The following SUCO variants were observed in gnomAD, a reference collection of about 807,000 sequenced individuals.
The protein encoded by SUCO is SUN domain containing ossification factor, also known as SUN domain-containing ossification factor.
Under a neutral mutation model 148.1 loss-of-function variants are expected in SUCO, and 57 were observed. The ratio of observed to expected loss-of-function variants is 0.38; its 90% CI spans 0.31 to 0.48. The LOEUF (loss-of-function observed/expected upper bound fraction) is 0.48. Among genes scored for constraint, SUCO ranks in the 20% least tolerant of loss-of-function variants. The pLI, the probability that SUCO is intolerant of heterozygous loss-of-function variation, is 0.96. For synonymous variants in SUCO, 470 were observed against 502.7 expected (o/e 0.93, Z 0.87); for missense variants, 1,331 against 1,468.2 (o/e 0.91, Z 1.53).
chr1:172,594,172 T>G (rs1373348464), intron 19 of SUCO, among the ~76,000 whole-genome samples: 1 of 152,118 alleles, frequency 6.6e-6, no homozygotes, highest in Non-Finnish European at 1.5e-5. Flanking sequence ...TCTTTTCTTC[T>G]TTATTAGTCT....
At position 172,589,710 on chromosome 1, in the gene SUCO, A is replaced by C. The variant is rs762982522; in HGVS notation, c.2609A>C (p.Gln870Pro). 6 of 1,613,644 alleles carry C rather than the reference A, an allele frequency of 3.7e-6. No homozygotes were observed. The highest frequency in any genetic ancestry group is 5.1e-6 in the Non-Finnish European group (6 of 1,179,690). ...TTACCTGAAGTAAAAGAAGAAGAAC[A>C]GTCTCCAGAAGATGCCCTTTTGAGA... ...SSLPEVKEEE[Q>P]SPEDALLRGL... Residue 870 changes from glutamine (Q) to proline (P), a missense_variant, in exon 18 of 24, where the codon CAG becomes CCG. Gln to Pro is a moderately conservative substitution (Grantham distance 76). Transcript: ENST00000263688.
chr1:172,610,435 TAC>T lies in SUCO; in HGVS notation c.*178_*179del. On this transcript the variant is annotated 3_prime_UTR_variant, in exon 24 of 24. Transcript: ENST00000263688. Reference sequence around the variant, plus strand: ...ATTGTGTCAATCTTGGTTAATGAGCTACAGTTTTACAAAGCTGATCACTTCCT... The same window carrying T: ...ATTGTGTCAATCTTGGTTAATGAGCTAGTTTTACAAAGCTGATCACTTCCT... 1.1e-6 allele frequency: 1 copy of T among 949,742 alleles called. No individual in the cohort carries two copies. Among genetic ancestry groups the T allele is most frequent in the South Asian group, 2.5e-5 (1 of 40,280 alleles). The allele number at this position is 949,742 out of a possible 1,614,324, so 58.8% of individuals were successfully genotyped here.
intron 6 of SUCO, among the ~76,000 whole-genome samples, chr1:172,564,690 C>T (rs1558185919): frequency 1.3e-5 from 2 of 151,942 alleles, no homozygotes; most frequent in Admixed American, 6.5e-5. Flanking sequence ...TCCTATACTA[C>T]CTCTTTCTTG....
At chr1:172,562,349 T>A (rs2149238781) in intron 6 of SUCO, among the ~76,000 whole-genome samples, 1 of 149,436 alleles carries the variant, frequency 6.7e-6, no homozygotes, top group East Asian at 2.0e-4. Context: ...TTTTTTTTTA[T>A]TTTGAGATGG....
intron 19 of SUCO, chr1:172,599,467 C>G (rs1657357558): frequency 1.3e-6 from 1 of 786,912 alleles, no homozygotes; most frequent in Non-Finnish European, 1.5e-6. Context: ...ATAAAAGTTT[C>G]TAAAATTCAG....
At chr1:172,602,903 C>T in intron 22 of SUCO, 116 bp downstream of exon 22, 1 of 862,296 alleles carries the variant, frequency 1.2e-6, no homozygotes. Flanking sequence ...ATACAAGTAG[C>T]CTTTGTCTTT....
chr1:172,587,612 G>A (rs1231794531), intron 17 of SUCO, among the ~76,000 whole-genome samples: 3 of 151,834 alleles, frequency 2.0e-5, no homozygotes, highest in South Asian at 2.1e-4. Context: ...TTTATTTACC[G>A]AAGTGTAGTC....
At chr1:172,609,650 C>CTAG in intron 23 of SUCO, 166 bp from the exon 24 acceptor site, 1 of 984,408 alleles carries the variant, frequency 1.0e-6, no homozygotes, top group Non-Finnish European at 1.2e-6. Context: ...GAAGATGATG[C>CTAG]TAGTATCTAT....
rs1653303627 is a variant in SUCO, at chr1:172,551,583, A to G, written c.134A>G (p.Asp45Gly). ...GCGTCATCATATTACTCTCAAGATG[A>G]CAACTGCGCACTAGAAAATGAAGAT... ...ASASSYYSQD[D>G]NCALENEDVQ... Residue 45 changes from aspartate (D) to glycine (G), a missense_variant, in exon 2 of 24, where the codon GAC becomes GGC. By Grantham distance (94) the Asp-to-Gly change is moderately conservative (BLOSUM62 -1). Around this residue, in one of 3 missense-constraint regions of SUCO, gnomAD observed 992 missense variants for 1,093.5 expected, o/e 0.91. Coordinates refer to ENST00000263688, the MANE Select transcript of SUCO (RefSeq NM_014283.5). The G allele has an allele frequency of 6.2e-7, 1 of 1,610,148 alleles. No homozygotes were observed. The highest frequency in any genetic ancestry group is 8.5e-7 in the Non-Finnish European group (1 of 1,177,894).
intron 1 of SUCO, among the ~76,000 whole-genome samples, chr1:172,545,986 C>T (rs1320921454): frequency 6.6e-6 from 1 of 151,904 alleles, no homozygotes; most frequent in Non-Finnish European, 1.5e-5. Flanking sequence ...GTCTGGAGTA[C>T]AGCAGCATGA....
chr1:172,597,934 T>A (rs1402848119), intron 19 of SUCO, among the ~76,000 whole-genome samples: 1 of 152,242 alleles, frequency 6.6e-6, no homozygotes, highest in Non-Finnish European at 1.5e-5. Context: ...TACAGTGTGG[T>A]TTGAAGAGCA....
chr1:172,551,732 G>T, intron 2 of SUCO, 106 bp downstream of exon 2: 2 of 687,242 alleles, frequency 2.9e-6, no homozygotes, highest in Non-Finnish European at 4.8e-6. Flanking sequence ...CATAATTTTT[G>T]GTGGAGATTC....
chr1:172,546,823 C>T (rs948092859), intron 1 of SUCO, among the ~76,000 whole-genome samples: 1 of 152,202 alleles, frequency 6.6e-6, no homozygotes, highest in Non-Finnish European at 1.5e-5. Flanking sequence ...GTGGAAGGAT[C>T]ACTTGAGCCC....
chr1:172,609,228 T>TA (rs397780847), intron 23 of SUCO: 7 of 981,096 alleles, frequency 7.1e-6, no homozygotes, highest in Non-Finnish European at 6.1e-6. Flanking sequence ...TTTTTTTTTT[T>TA]AATAAAAAAA....
intron 9 of SUCO, among the ~76,000 whole-genome samples, chr1:172,572,407 C>A (rs927254833): frequency 6.6e-6 from 1 of 151,740 alleles, no homozygotes; most frequent in African/African-American, 2.4e-5. Context: ...TACCCCCAAC[C>A]CTGTGCTCCC....
At chr1:172,608,058 G>A (rs1657972636) in intron 22 of SUCO, 1 of 984,082 alleles carries the variant, frequency 1.0e-6, no homozygotes. Flanking sequence ...TGGGGGTGGG[G>A]TTGGGATATA....
At chr1:172,557,932 C>G in intron 6 of SUCO, 138 bp downstream of exon 6, 1 of 653,242 alleles carries the variant, frequency 1.5e-6, no homozygotes. Context: ...GGAACTAACA[C>G]GAACTGTGCT....
intron 17 of SUCO, among the ~76,000 whole-genome samples, chr1:172,586,317 C>G (rs1300636366): frequency 2.0e-5 from 3 of 151,970 alleles, no homozygotes; most frequent in Non-Finnish European, 2.9e-5. Flanking sequence ...AAGCATTGAT[C>G]TGTGGTATCC....
intron 6 of SUCO, among the ~76,000 whole-genome samples, chr1:172,559,377 A>C (rs150899090): frequency 6.6e-6 from 1 of 152,200 alleles, no homozygotes; most frequent in East Asian, 1.9e-4. Flanking sequence ...CAGCTAGGTA[A>C]ATTTTTATAA....
Sources: gnomAD v4.1 joint callset for allele counts (sites outside exome capture counted in the v4.1 genomes callset) on GRCh38, gnomAD v4.1.1 for gene constraint, gnomAD v4.1.1 regional missense constraint, MANE v1.5 for transcripts, NCBI Gene and HGNC (gene_info 2026-07-23, HGNC 2026-07-21) for gene names.